Variants in NTRK3 observed in about 807,000 individuals in gnomAD.
NTRK3 encodes the protein NT-3 growth factor receptor.
In NTRK3, 24 loss-of-function variants were observed where a neutral mutation model predicts 91.7. That is an observed-to-expected ratio of 0.26 (90% CI 0.19 to 0.37). The LOEUF is 0.37. NTRK3 is among the 10% of genes least tolerant of loss of function. The pLI is 1.00. For synonymous variants in NTRK3, 483 were observed against 404.0 expected (o/e 1.20, Z -2.34); for missense variants, 880 against 1,068.9 (o/e 0.82, Z 2.46).
rs1214119826 is a variant in NTRK3 at position 88,213,791 on chromosome 15, A to G, written c.249-29492T>C. On this transcript the variant is annotated intron_variant, in intron 3 of 18. Transcript: ENST00000394480. Reference sequence around the variant, plus strand: ...TCACACAGCTTAAGTAAGATTTGAAACGAGGCGGCCAAGTGCAGTGGCTCA... The same window carrying G: ...TCACACAGCTTAAGTAAGATTTGAAGCGAGGCGGCCAAGTGCAGTGGCTCA... Among the ~76,000 whole-genome samples the G allele has an allele frequency of 4.6e-5, 7 of 152,202 alleles. No individual in the cohort carries two copies. The East Asian group carries it at 1.2e-3, about 25-fold the overall frequency.
intron 14 of NTRK3, among the ~76,000 whole-genome samples, chr15:87,968,406 A>C (rs2072970932): frequency 6.6e-6 from 1 of 152,184 alleles, no homozygotes; most frequent in South Asian, 2.1e-4. Context: ...AACACTTCAA[A>C]GACTTCTGGG....
chr15:88,036,425 A>T (rs2079076448), intron 13 of NTRK3, among the ~76,000 whole-genome samples: 1 of 150,236 alleles, frequency 6.7e-6, no homozygotes, highest in Non-Finnish European at 1.5e-5. Context: ...CTACACCTAA[A>T]AAAAAAAAAA....
chr15:87,920,889 A>T (rs1428510458), intron 17 of NTRK3, among the ~76,000 whole-genome samples: 1 of 152,194 alleles, frequency 6.6e-6, no homozygotes, highest in African/African-American at 2.4e-5. Context: ...CTGGTTTGGT[A>T]TCGCAGAGTG....
intron 14 of NTRK3, among the ~76,000 whole-genome samples, chr15:87,975,368 C>T (rs117970302): frequency 0.061 from 9,318 of 152,212 alleles, 365 homozygotes; most frequent in Non-Finnish European, 0.092. Context: ...ATCCAGGGAG[C>T]GCCTGGCAAG....
chr15:87,869,052 A>C (rs1037296921), exon 19 of NTRK3: 1 of 228,856 alleles, frequency 4.4e-6, no homozygotes, highest in South Asian at 1.8e-4. Context: ...CAGCATTAAG[A>C]TATGCTGTGA....
At chr15:88,002,069 A>G (rs2076135718) in intron 14 of NTRK3, among the ~76,000 whole-genome samples, 2 of 150,184 alleles carry the variant, frequency 1.3e-5, no homozygotes, top group South Asian at 4.3e-4. Context: ...TCCATGGGAG[A>G]TTGTGAACTC....
chr15:87,877,182 G>A (rs1220741976), intron 18 of NTRK3, 62 bp from the exon 20 acceptor site: 7 of 1,571,528 alleles, frequency 4.5e-6, no homozygotes, highest in Non-Finnish European at 6.1e-6. Context: ...CTGTGGCTCA[G>A]ACTCGGCAAA....
chr15:88,059,660 G>C (rs746930682), intron 13 of NTRK3, among the ~76,000 whole-genome samples: 3 of 152,148 alleles, frequency 2.0e-5, no homozygotes, highest in Non-Finnish European at 4.4e-5. Context: ...TGTGCAGTGA[G>C]ACCTGCTTCT....
intron 14 of NTRK3, among the ~76,000 whole-genome samples, chr15:87,958,870 C>T (rs8033021): frequency 0.48 from 72,635 of 151,690 alleles, 18,208 homozygotes; most frequent in African/African-American, 0.63. Flanking sequence ...AAAGTAGGAA[C>T]CTTGATGTTC....
chr15:88,035,192 G>A (rs551777752), intron 13 of NTRK3, among the ~76,000 whole-genome samples: 3 of 152,312 alleles, frequency 2.0e-5, no homozygotes, highest in African/African-American at 7.2e-5. Flanking sequence ...AATATTTGCA[G>A]GCAGCCAGTT....
At chr15:87,920,407 G>C (rs1596255923) in intron 17 of NTRK3, among the ~76,000 whole-genome samples, 1 of 152,256 alleles carries the variant, frequency 6.6e-6, no homozygotes, top group African/African-American at 2.4e-5. Context: ...AAAGCTCTGA[G>C]CCCCACTTGG....
At chr15:88,033,176 T>TTTTATATATATATATATATA (rs1555473120) in intron 13 of NTRK3, 131 bp from the exon 14 acceptor site, 1 of 192,402 alleles carries the variant, frequency 5.2e-6, no homozygotes, top group African/African-American at 6.2e-5. Context: ...GGGGGGTGTG[T>TTTTATATATATATATATATA]TATATATATA....
intron 14 of NTRK3, among the ~76,000 whole-genome samples, chr15:87,964,731 G>T (rs2072635111): frequency 6.6e-6 from 1 of 152,126 alleles, no homozygotes; most frequent in South Asian, 2.1e-4. Flanking sequence ...CACACAAATG[G>T]CATCATAGAA....
chr15:88,044,297 G>C, intron 13 of NTRK3, among the ~76,000 whole-genome samples: 1 of 112,236 alleles, frequency 8.9e-6, no homozygotes, highest in South Asian at 3.1e-4. Flanking sequence ...GTCTTGCTCT[G>C]TTGCCCAAGC....
chr15:88,219,085 A>T (rs921699589), intron 3 of NTRK3, among the ~76,000 whole-genome samples: 1 of 152,194 alleles, frequency 6.6e-6, no homozygotes, highest in African/African-American at 2.4e-5. Context: ...TGTAAACAAC[A>T]ATCTGCACGC....
intron 13 of NTRK3, among the ~76,000 whole-genome samples, chr15:88,089,430 A>G (rs1257129418): frequency 6.6e-6 from 1 of 152,228 alleles, no homozygotes; most frequent in Non-Finnish European, 1.5e-5. Context: ...ATAGTGAATA[A>G]CTGGGAATAA....
At chr15:88,216,431 T>G (rs1358273117) in intron 3 of NTRK3, among the ~76,000 whole-genome samples, 1 of 152,274 alleles carries the variant, frequency 6.6e-6, no homozygotes, top group African/African-American at 2.4e-5. Flanking sequence ...GGAGGGAAAC[T>G]TAGCTACAGA....
intron 14 of NTRK3, among the ~76,000 whole-genome samples, chr15:87,941,281 G>A (rs539708387): frequency 6.6e-6 from 1 of 152,202 alleles, no homozygotes; most frequent in South Asian, 2.1e-4. Flanking sequence ...CTAGTTTTTT[G>A]AGCTTGGGAA....
chr15:88,036,763 G>A (rs533087329), intron 13 of NTRK3, among the ~76,000 whole-genome samples: 21 of 152,310 alleles, frequency 1.4e-4, no homozygotes, highest in African/African-American at 4.8e-4. Context: ...ACGGAATGCA[G>A]GAAGACACAA....
Sources: allele counts gnomAD v4.1 joint callset (sites outside exome capture counted in the v4.1 genomes callset), GRCh38; gene constraint gnomAD v4.1.1; transcripts MANE v1.5; gene names NCBI Gene and HGNC (gene_info 2026-07-23, HGNC 2026-07-21).